Variants in TPRG1 observed in about 807,000 individuals in gnomAD.
TPRG1 encodes the protein tumor protein p63-regulated gene 1 protein.
Under a neutral mutation model 29.3 loss-of-function variants are expected in TPRG1, and 29 were observed. The ratio of observed to expected loss-of-function variants is 0.99; its 90% confidence interval spans 0.74 to 1.35. TPRG1 has a LOEUF of 1.35. Among genes scored for constraint, TPRG1 ranks in the 40% most tolerant of loss-of-function variants. The probability of loss-of-function intolerance (pLI) is 0.00; values close to 1 mark genes in which losing one functional copy is unlikely to be tolerated. For synonymous variants in TPRG1, 130 were observed against 116.8 expected (o/e 1.11, Z -0.73); for missense variants, 327 against 335.0 (o/e 0.98, Z 0.19).
At position 189,322,101 on chromosome 3, in the gene TPRG1, TTGAA is replaced by T. The variant is rs1172773960; in HGVS notation, c.*1284_*1287del. On this transcript the variant is annotated 3_prime_UTR_variant, in exon 6 of 6. Transcript: ENST00000345063. ...CTAAATTTATGTAGAAAAAAAAGCT[TTGAA>T]TGTTGACTACATAGACATTACTACA... 6.6e-6 allele frequency: 1 copy of T among 152,134 alleles called. No individual in the cohort carries two copies. The highest frequency in any genetic ancestry group is 2.4e-5 in the African/African-American group (1 of 41,446). The allele number at this position is 152,134 out of a possible 1,614,324, so 9.4% of individuals were successfully genotyped here.
At chr3:189,301,550 T>A (rs1047338432) in intron 4 of TPRG1, among the ~76,000 whole-genome samples, 1 of 151,784 alleles carries the variant, frequency 6.6e-6, no homozygotes, top group Non-Finnish European at 1.5e-5. Context: ...AAGGTTATAT[T>A]TCATATAATG....
chr3:189,272,198 T>A (rs1715266227), intron 4 of TPRG1, among the ~76,000 whole-genome samples: 1 of 152,234 alleles, frequency 6.6e-6, no homozygotes, highest in Non-Finnish European at 1.5e-5. Context: ...CCATATGTAA[T>A]GCAAGCATCT....
chr3:189,014,892 T>C (rs1348355064), intron 3 of TPRG1, among the ~76,000 whole-genome samples: 2 of 152,070 alleles, frequency 1.3e-5, no homozygotes, highest in Non-Finnish European at 2.9e-5. Context: ...AGTGAGAAAA[T>C]GGAATACTAC....
intron 4 of TPRG1, among the ~76,000 whole-genome samples, chr3:189,302,898 A>G (rs940041699): frequency 1.3e-5 from 2 of 152,356 alleles, no homozygotes; most frequent in East Asian, 3.9e-4. Context: ...CAAATTAGAA[A>G]AAGAGCAGCT....
At chr3:189,101,750 A>G (rs1451238519) in intron 1 of TPRG1, among the ~76,000 whole-genome samples, 1 of 151,690 alleles carries the variant, frequency 6.6e-6, no homozygotes, top group Non-Finnish European at 1.5e-5. Flanking sequence ...CCAACCTAAC[A>G]TTTTTGTTTG....
At chr3:189,312,085 CTTT>C (rs1722600518) in intron 5 of TPRG1, among the ~76,000 whole-genome samples, 1 of 98,752 alleles carries the variant, frequency 1.0e-5, no homozygotes, top group African/African-American at 4.7e-5. Context: ...CTTTATGTTT[CTTT>C]CTTTCTTTGT....
intron 4 of TPRG1, among the ~76,000 whole-genome samples, chr3:189,288,465 T>C (rs1718452092): frequency 6.6e-6 from 1 of 152,224 alleles, no homozygotes; most frequent in Non-Finnish European, 1.5e-5. Flanking sequence ...TGGGATGATA[T>C]GCTTGTTTTT....
In TPRG1 at chr3:189,299,290, C is replaced by G. The variant is rs530949942; in HGVS notation, c.480-11096C>G. ...GGTAGCTTTGTAAGAGAAGCTCTTT[C>G]CTCTGTCTACCTGGCAACCTCTTGG... On this transcript the variant is annotated intron_variant, in intron 4 of 5. Coordinates refer to ENST00000345063, the MANE Select transcript of TPRG1 (RefSeq NM_198485.4). Among the ~76,000 whole-genome samples, 220 of 152,184 alleles carry G rather than the reference C, an allele frequency of 1.4e-3. 1 individual carries two copies. The highest frequency in any genetic ancestry group is 5.1e-3 in the African/African-American group (212 of 41,522).
At chr3:189,275,437 G>C (rs1715967497) in intron 4 of TPRG1, among the ~76,000 whole-genome samples, 1 of 152,160 alleles carries the variant, frequency 6.6e-6, no homozygotes, top group African/African-American at 2.4e-5. Flanking sequence ...AATTCATACA[G>C]TTGTGACTGC....
At chr3:189,062,385 C>T (rs1022557918) in intron 4 of TPRG1, among the ~76,000 whole-genome samples, 5 of 151,884 alleles carry the variant, frequency 3.3e-5, no homozygotes, top group Admixed American at 6.6e-5. Context: ...CAAACCCTGG[C>T]GACATGAGTT....
chr3:189,085,989 C>G (rs554464444), intron 4 of TPRG1, among the ~76,000 whole-genome samples: 101 of 152,208 alleles, frequency 6.6e-4, no homozygotes, highest in Admixed American at 3.4e-3. Flanking sequence ...CTGACTCACA[C>G]CATCGCAAGA....
intron 3 of TPRG1, chr3:189,217,988 A>T (rs1736325460): frequency 2.1e-5 from 21 of 985,302 alleles, no homozygotes; most frequent in Non-Finnish European, 2.4e-5. Context: ...ATAAACAAAC[A>T]TGCAGGCCCA....
chr3:189,126,046 G>A (rs1366599572), intron 1 of TPRG1, among the ~76,000 whole-genome samples: 1 of 152,068 alleles, frequency 6.6e-6, no homozygotes, highest in Non-Finnish European at 1.5e-5. Context: ...GCCGATGCCT[G>A]GAAGAGAGCT....
At chr3:189,186,766 A>G (rs1390665243) in intron 1 of TPRG1, among the ~76,000 whole-genome samples, 1 of 151,962 alleles carries the variant, frequency 6.6e-6, no homozygotes, top group Non-Finnish European at 1.5e-5. Flanking sequence ...GAAAAAAAAA[A>G]AGATAGCTAG....
At chr3:189,091,246 A>G (rs1302340205) in intron 4 of TPRG1, among the ~76,000 whole-genome samples, 2 of 152,042 alleles carry the variant, frequency 1.3e-5, no homozygotes, top group East Asian at 3.9e-4. Context: ...TAAACAGTGC[A>G]TTTGAGTTTT....
chr3:189,106,621 G>T (rs911310895), intron 1 of TPRG1, among the ~76,000 whole-genome samples: 3 of 152,122 alleles, frequency 2.0e-5, no homozygotes, highest in Non-Finnish European at 4.4e-5. Context: ...TGTGTTGGTT[G>T]TTCACATAAT....
intron 5 of TPRG1, 130 bp from the exon 6 acceptor site, chr3:189,320,496 T>C (rs1724193576): frequency 1.5e-6 from 1 of 655,010 alleles, no homozygotes; most frequent in Non-Finnish European, 2.4e-6. Flanking sequence ...TAACCATTTA[T>C]GTTTAAGAAG....
chr3:189,292,133 T>C (rs1333048852), intron 4 of TPRG1, among the ~76,000 whole-genome samples: 1 of 152,210 alleles, frequency 6.6e-6, no homozygotes, highest in African/African-American at 2.4e-5. Context: ...ATTCTAAATA[T>C]AGCAATAAGA....
chr3:189,287,468 G>A (rs1267187393), intron 4 of TPRG1, among the ~76,000 whole-genome samples: 2 of 151,446 alleles, frequency 1.3e-5, no homozygotes, highest in African/African-American at 4.9e-5. Context: ...CACGATCTCG[G>A]CTCACTGCAA....
Sources: gnomAD v4.1 joint callset for allele counts (sites outside exome capture counted in the v4.1 genomes callset) on GRCh38, gnomAD v4.1.1 for gene constraint, MANE v1.5 for transcripts, NCBI Gene and HGNC (gene_info 2026-07-23, HGNC 2026-07-21) for gene names.